PCSK6: variants seen among roughly 807,000 people sequenced by gnomAD.
The protein encoded by PCSK6 is proprotein convertase subtilisin/kexin type 6, also known as paired basic amino acid cleaving enzyme 4.
In PCSK6, 85 loss-of-function variants were observed where a neutral mutation model predicts 123.3. The ratio of observed to expected loss-of-function variants is 0.69; its 90% CI spans 0.58 to 0.83. The LOEUF is 0.83. Ranked by LOEUF, PCSK6 falls within the 40% of genes least tolerant of loss-of-function variation. The pLI, the probability that PCSK6 is intolerant of heterozygous loss-of-function variation, is 0.00. For missense variants in PCSK6, 1,191 were observed against 1,282.3 expected (o/e 0.93, Z 1.09); for synonymous variants, 508 against 516.0 (o/e 0.98, Z 0.21).
intron 7 of PCSK6, among the ~76,000 whole-genome samples, chr15:101,394,413 T>C (rs900913477): frequency 1.3e-5 from 2 of 152,196 alleles, no homozygotes; most frequent in South Asian, 4.1e-4. Context: ...CTGAGAATCA[T>C]TCCAGCCACA....
chr15:101,439,437 G>A (rs981892684), intron 2 of PCSK6, among the ~76,000 whole-genome samples: 3 of 152,226 alleles, frequency 2.0e-5, no homozygotes, highest in East Asian at 1.9e-4. Flanking sequence ...TGCTGAAAAT[G>A]TGAACAGCCA....
chr15:101,454,044 A>C (rs1400244587), intron 1 of PCSK6, among the ~76,000 whole-genome samples: 1 of 152,230 alleles, frequency 6.6e-6, no homozygotes, highest in Non-Finnish European at 1.5e-5. Flanking sequence ...GACTCCCCAG[A>C]AAGAAGGGTC....
intron 1 of PCSK6, among the ~76,000 whole-genome samples, chr15:101,472,540 G>A (rs545355607): frequency 1.8e-4 from 27 of 152,328 alleles, no homozygotes; most frequent in Non-Finnish European, 3.1e-4. Flanking sequence ...TGCACAAACA[G>A]GTTCCCTCAA....
chr15:101,373,632 A>T (rs2041649314), intron 11 of PCSK6, among the ~76,000 whole-genome samples: 1 of 152,178 alleles, frequency 6.6e-6, no homozygotes, highest in African/African-American at 2.4e-5. Flanking sequence ...TTGTGCTCAA[A>T]TTTTTCTGTA....
rs2040678083 is a variant in PCSK6, at chr15:101,344,074, T to C, written c.1859-12043A>G. On this transcript the variant is annotated intron_variant, in intron 13 of 21. Coordinates refer to ENST00000611716, the MANE Select transcript of PCSK6 (RefSeq NM_002570.5). ...CTGTGCGACAGAACAAGATTCTGTC[T>C]CAAAAAAAAAAATAAATAAATAAAA... is the stretch of plus-strand genomic sequence containing the variant. Among the ~76,000 whole-genome samples the C allele has an allele frequency of 2.7e-5, 4 of 149,584 alleles. No individual in the cohort carries two copies. The South Asian group carries it at 8.4e-4, about 32-fold the overall frequency.
intron 18 of PCSK6, among the ~76,000 whole-genome samples, chr15:101,319,716 G>A (rs2040072802): frequency 6.6e-6 from 1 of 152,212 alleles, no homozygotes; most frequent in African/African-American, 2.4e-5. Flanking sequence ...GGTTTGGAGA[G>A]CTCTGGGGTG....
intron 2 of PCSK6, among the ~76,000 whole-genome samples, chr15:101,437,086 C>T (rs79235319): frequency 0.014 from 2,198 of 152,212 alleles, 46 homozygotes; most frequent in African/African-American, 0.05. Context: ...CTCTGGAGAG[C>T]GAGAGGCCCC....
At chr15:101,348,197 TC>T (rs563625191) in intron 13 of PCSK6, among the ~76,000 whole-genome samples, 7 of 151,928 alleles carry the variant, frequency 4.6e-5, no homozygotes, top group Non-Finnish European at 8.8e-5. Flanking sequence ...CCGCTGCTCC[TC>T]CCCGGTGGGA....
chr15:101,447,186 T>C (rs11247293), intron 1 of PCSK6, among the ~76,000 whole-genome samples: 99,883 of 151,986 alleles, frequency 0.66, 33,126 homozygotes, highest in Middle Eastern at 0.69. Context: ...ACGAGGAGGT[T>C]CTGCCCCTCC....
At chr15:101,342,412 T>TA (rs1166878526) in intron 13 of PCSK6, among the ~76,000 whole-genome samples, 1 of 152,132 alleles carries the variant, frequency 6.6e-6, no homozygotes, top group African/African-American at 2.4e-5. Flanking sequence ...ATAGAGGAGA[T>TA]AAAGTGGAAT....
chr15:101,469,658 A>G (rs913042142), intron 1 of PCSK6, among the ~76,000 whole-genome samples: 8 of 152,100 alleles, frequency 5.3e-5, no homozygotes, highest in Non-Finnish European at 8.8e-5. Flanking sequence ...GAGCGGCTAG[A>G]GCCGGGTGCC....
intron 13 of PCSK6, chr15:101,347,586 C>G: frequency 6.8e-7 from 1 of 1,461,960 alleles, no homozygotes. Context: ...CAATCAACAA[C>G]TGTTTGTGAG....
chr15:101,406,318 A>C (rs556057452), intron 6 of PCSK6, among the ~76,000 whole-genome samples: 39 of 152,270 alleles, frequency 2.6e-4, no homozygotes, highest in African/African-American at 7.9e-4. Context: ...CGCTGGGCCC[A>C]CTTTTGTTTA....
chr15:101,384,795 A>G (rs2042012409), intron 9 of PCSK6, among the ~76,000 whole-genome samples: 1 of 152,230 alleles, frequency 6.6e-6, no homozygotes, highest in Non-Finnish European at 1.5e-5. Flanking sequence ...CTAAGCAAAT[A>G]CAACAGTGCA....
At chr15:101,380,290 T>C (rs1456753112) in intron 11 of PCSK6, among the ~76,000 whole-genome samples, 3 of 152,194 alleles carry the variant, frequency 2.0e-5, no homozygotes, top group Non-Finnish European at 2.9e-5. Context: ...CTTAAAACGA[T>C]TTCTGGCAGG....
chr15:101,429,591 T>C (rs766560867), intron 5 of PCSK6, among the ~76,000 whole-genome samples: 53 of 152,126 alleles, frequency 3.5e-4, no homozygotes, highest in Non-Finnish European at 6.2e-4. Flanking sequence ...ATTCCTAAGG[T>C]CACAGAGTCA....
intron 1 of PCSK6, among the ~76,000 whole-genome samples, chr15:101,488,694 G>A (rs2058079789): frequency 6.6e-6 from 1 of 152,066 alleles, no homozygotes; most frequent in Admixed American, 6.5e-5. Context: ...CACACAAAGC[G>A]CCCTCCCTCC....
intron 5 of PCSK6, among the ~76,000 whole-genome samples, chr15:101,429,064 G>A (rs750620197): frequency 3.3e-5 from 5 of 152,066 alleles, no homozygotes; most frequent in Non-Finnish European, 5.9e-5. Flanking sequence ...CTGCGCACCC[G>A]TTTGTGAATC....
chr15:101,362,268 C>T (rs2041253901), intron 13 of PCSK6, among the ~76,000 whole-genome samples: 1 of 152,140 alleles, frequency 6.6e-6, no homozygotes, highest in African/African-American at 2.4e-5. Flanking sequence ...AAGCTATTTA[C>T]ATTAATGTGG....
Sources: gnomAD v4.1 joint callset for allele counts (sites outside exome capture counted in the v4.1 genomes callset) on GRCh38, gnomAD v4.1.1 for gene constraint, MANE v1.5 for transcripts, NCBI Gene and HGNC (gene_info 2026-07-23, HGNC 2026-07-21) for gene names.